FAM135A: variants seen among roughly 807,000 people sequenced by gnomAD.
FAM135A encodes the protein protein FAM135A.
Under a neutral mutation model 146.8 loss-of-function variants are expected in FAM135A, and 79 were observed. The ratio of observed to expected loss-of-function variants is 0.54; its 90% CI spans 0.45 to 0.65. FAM135A has a LOEUF of 0.65. FAM135A is among the 30% of genes least tolerant of loss of function. The probability of loss-of-function intolerance (pLI) is 0.00; values close to 1 mark genes in which losing one functional copy is unlikely to be tolerated. For missense variants in FAM135A, 1,623 were observed against 1,758.2 expected, an observed-to-expected ratio of 0.92 and a Z score of 1.38; for synonymous variants, 562 against 603.6, an observed-to-expected ratio of 0.93 and a Z score of 1.01.
chr6:70,428,546 C>T (rs906175476), intron 4 of FAM135A, 127 bp downstream of exon 4: 1 of 526,274 alleles, frequency 1.9e-6, no homozygotes, highest in East Asian at 3.6e-5. Context: ...TAATTATTTT[C>T]TCAGATAAAT....
At chr6:70,453,641 A>C in intron 5 of FAM135A, among the ~76,000 whole-genome samples, 1 of 143,518 alleles carries the variant, frequency 7.0e-6, no homozygotes, top group African/African-American at 2.6e-5. Context: ...TTCAGTTCCC[A>C]CCTATGAGTG....
At chr6:70,425,053 T>C (rs1340024289) in intron 2 of FAM135A, among the ~76,000 whole-genome samples, 2 of 150,146 alleles carry the variant, frequency 1.3e-5, no homozygotes, top group African/African-American at 2.4e-5. Flanking sequence ...CCCAAACCTA[T>C]ATTTTAAGCA....
In FAM135A at chr6:70,475,537, G is replaced by T; in HGVS notation, c.285G>T (p.Leu95Phe). 1.3e-6 allele frequency: 2 copies of T among 1,592,352 alleles called. No homozygotes were observed. The highest frequency in any genetic ancestry group is 2.3e-5 in the South Asian group (2 of 86,388). The change falls in exon 6 of 22, where the codon TTG becomes TTT. Residue 95 changes from leucine to phenylalanine, a missense_variant. This residue lies in a region of FAM135A where 171 missense variants were observed against 164.9 expected (regional missense o/e 1.04). Transcript: ENST00000418814. ...DVMIFKVKML[L>F]DERKIEETLE... Reference sequence around the variant, plus strand: ...TGATCTTCAAAGTAAAAATGCTATTGGATGAAAGAAAGGTAAACATCTCTT... The same window carrying T: ...TGATCTTCAAAGTAAAAATGCTATTTGATGAAAGAAAGGTAAACATCTCTT...
chr6:70,492,193 A>G (rs147970047), intron 11 of FAM135A, among the ~76,000 whole-genome samples: 1 of 152,006 alleles, frequency 6.6e-6, no homozygotes, highest in Non-Finnish European at 1.5e-5. Flanking sequence ...AAAGAATAAA[A>G]AGACAAGTCA....
chr6:70,525,209 G>A lies in FAM135A; in HGVS notation c.2125G>A (p.Glu709Lys), dbSNP rs767896591. The change falls in exon 15 of 22, where the codon GAA becomes AAA. Residue 709 changes from glutamate to lysine, a missense_variant. Transcript: ENST00000418814. ...ATCTAATGGTAAATCTAAATCTATA[G>A]AAATAACATTTGAAAAGGAAGCTTT... ...LESNGKSKSIEITFEKEALQE... is the reference protein window; with the variant it reads ...LESNGKSKSIKITFEKEALQE... The A allele has an allele frequency of 1.9e-6, 3 of 1,598,318 alleles. No individual in the cohort carries two copies. Among genetic ancestry groups the A allele is most frequent in the Non-Finnish European group, 2.6e-6 (3 of 1,174,784 alleles).
chr6:70,478,694 T>G (rs1407614101), intron 8 of FAM135A, among the ~76,000 whole-genome samples: 1 of 152,162 alleles, frequency 6.6e-6, no homozygotes, highest in Non-Finnish European at 1.5e-5. Flanking sequence ...AGACATATAT[T>G]TCTCCTGATG....
chr6:70,559,891 T>C lies in FAM135A; in HGVS notation c.4518T>C (p.Phe1506=). The C allele has an allele frequency of 1.2e-6, 2 of 1,613,840 alleles. No individual in the cohort carries two copies. Among genetic ancestry groups the C allele is most frequent in the Non-Finnish European group, 1.7e-6 (2 of 1,179,920 alleles). The part of the protein sequence containing the change: ...LDSEIFLEKF[F]LVAALKYFQ ...CGGAAATATTTTTAGAGAAATTCTT[T>C]CTGGTTGCTGCCCTCAAATATTTCC... Residue 1506 remains phenylalanine, a synonymous_variant, in exon 22 of 22, where the codon TTT becomes TTC. Coordinates refer to ENST00000418814, the MANE Select transcript of FAM135A (RefSeq NM_001162529.3).
chr6:70,510,259 G>A (rs1790694372), intron 12 of FAM135A, among the ~76,000 whole-genome samples: 1 of 151,686 alleles, frequency 6.6e-6, no homozygotes, highest in African/African-American at 2.4e-5. Flanking sequence ...TTTGTTGGGG[G>A]GCGGGTGGGG....
intron 4 of FAM135A, among the ~76,000 whole-genome samples, chr6:70,450,729 T>G (rs1306424810): frequency 6.1e-5 from 4 of 65,590 alleles, no homozygotes; most frequent in Admixed American, 3.2e-4. Flanking sequence ...TTTTTTTTTT[T>G]TTTTTTTTTT....
intron 2 of FAM135A, among the ~76,000 whole-genome samples, chr6:70,422,969 A>C (rs1320595919): frequency 6.6e-6 from 1 of 152,180 alleles, no homozygotes; most frequent in East Asian, 1.9e-4. Flanking sequence ...ATAAAGGACT[A>C]AAGAGATATG....
intron 12 of FAM135A, among the ~76,000 whole-genome samples, chr6:70,511,482 G>A (rs1180286575): frequency 6.6e-6 from 1 of 151,854 alleles, no homozygotes; most frequent in Non-Finnish European, 1.5e-5. Flanking sequence ...ACATGGTAAG[G>A]GGGAGAGAAA....
At chr6:70,462,587 A>G (rs894496121) in intron 5 of FAM135A, among the ~76,000 whole-genome samples, 1 of 152,124 alleles carries the variant, frequency 6.6e-6, no homozygotes, top group Admixed American at 6.6e-5. Flanking sequence ...TTACAACTAG[A>G]TAAGCATTTA....
intron 5 of FAM135A, among the ~76,000 whole-genome samples, chr6:70,462,096 A>C (rs1249703672): frequency 6.6e-6 from 1 of 152,200 alleles, no homozygotes; most frequent in South Asian, 2.1e-4. Flanking sequence ...AGCCATTTAT[A>C]TGTAATTTCC....
chr6:70,501,156 C>T (rs893980909), intron 11 of FAM135A, among the ~76,000 whole-genome samples: 1 of 152,236 alleles, frequency 6.6e-6, no homozygotes, highest in African/African-American at 2.4e-5. Context: ...CTGTAAGCCC[C>T]TGACTGGGGC....
chr6:70,417,732 T>C (rs1477537280), intron 2 of FAM135A: 4 of 483,530 alleles, frequency 8.3e-6, no homozygotes, highest in Non-Finnish European at 8.1e-6. Flanking sequence ...ACATTGGAAA[T>C]ACTGCTATCT....
intron 4 of FAM135A, among the ~76,000 whole-genome samples, chr6:70,430,495 T>C (rs1771329248): frequency 6.6e-6 from 1 of 152,210 alleles, no homozygotes; most frequent in African/African-American, 2.4e-5. Context: ...TAAAAAACTT[T>C]GTGGACTGTC....
At position 70,525,243 on chromosome 6, in the gene FAM135A, C is replaced by T. The variant is rs751482357; in HGVS notation, c.2159C>T (p.Ala720Val). The change falls in exon 15 of 22, where the codon GCA becomes GTA. Residue 720 changes from alanine to valine, a missense_variant. By Grantham distance (64) the Ala-to-Val change is moderately conservative. Transcript: ENST00000418814. ...ITFEKEALQEAKCLSIGESLT... is the reference protein window; with the variant it reads ...ITFEKEALQEVKCLSIGESLT... ...TTTGAAAAGGAAGCTTTGCAAGAAG[C>T]AAAGTGTCTTTCTATTGGAGAATCA... 2 of 1,599,478 alleles carry T rather than the reference C, an allele frequency of 1.3e-6. No individual in the cohort carries two copies. Among genetic ancestry groups the T allele is most frequent in the Non-Finnish European group, 1.7e-6 (2 of 1,174,982 alleles).
chr6:70,486,925 C>T (rs1784776423), intron 10 of FAM135A, among the ~76,000 whole-genome samples: 1 of 151,036 alleles, frequency 6.6e-6, no homozygotes, highest in African/African-American at 2.4e-5. Context: ...GAAACTCTGC[C>T]TCAAAAAAAA....
At chr6:70,538,821 T>C (rs1797272721) in intron 20 of FAM135A, among the ~76,000 whole-genome samples, 1 of 139,320 alleles carries the variant, frequency 7.2e-6, no homozygotes, top group Admixed American at 7.0e-5. Context: ...TTATATTATA[T>C]TATATTATAT....
Sources: allele counts gnomAD v4.1 joint callset (sites outside exome capture counted in the v4.1 genomes callset), GRCh38; gene constraint gnomAD v4.1.1; regional missense constraint gnomAD v4.1.1; transcripts MANE v1.5; gene names NCBI Gene and HGNC (gene_info 2026-07-23, HGNC 2026-07-21).